Variants in CDR2L observed in about 807,000 individuals in gnomAD.
The protein encoded by CDR2L is cerebellar degeneration related protein 2 like.
CDR2L carries 19 observed loss-of-function variants against 36.1 expected under a neutral mutation model. That is an observed-to-expected ratio of 0.53 (90% CI 0.37 to 0.77). The LOEUF is 0.77. Ranked by LOEUF, CDR2L falls within the 30% of genes least tolerant of loss-of-function variation. The pLI, the probability that CDR2L is intolerant of heterozygous loss-of-function variation, is 0.00. For synonymous variants in CDR2L, 285 were observed against 280.4 expected, an observed-to-expected ratio of 1.02 and a Z score of -0.16; for missense variants, 575 against 627.2, an observed-to-expected ratio of 0.92 and a Z score of 0.89.
At chr17:74,990,915 C>T (rs894957303) in intron 1 of CDR2L, among the ~76,000 whole-genome samples, 6 of 152,224 alleles carry the variant, frequency 3.9e-5, no homozygotes, top group Non-Finnish European at 7.3e-5. Flanking sequence ...TTTTCTCAGC[C>T]AGCCACCTGG....
At position 74,999,562 on chromosome 17, in the gene CDR2L, G is replaced by T. The variant is rs771785431; in HGVS notation, c.138G>T (p.Glu46Asp). 6.3e-7 allele frequency: 1 copy of T among 1,589,136 alleles called. No individual in the cohort carries two copies. Among genetic ancestry groups the T allele is most frequent in the South Asian group, 1.2e-5 (1 of 86,538 alleles). The change falls in exon 2 of 5, where the codon GAG becomes GAT. Residue 46 changes from glutamate (E) to aspartate (D), a missense_variant. By Grantham distance (45) the Glu-to-Asp change is conservative. Transcript: ENST00000337231. ...KTLLERNKEL[E>D]GSLQQMYSTN... ...TGCTGGAGAGGAACAAGGAGCTGGA[G>T]GGGTCCCTGCAGCAGATGTACTCCA...
chr17:75,005,000 A>G lies in CDR2L; in HGVS notation c.*926A>G, dbSNP rs2144871994. 6.5e-6 allele frequency: 1 copy of G among 152,814 alleles called. No individual in the cohort carries two copies. Among genetic ancestry groups the G allele is most frequent in the East Asian group, 1.9e-4 (1 of 5,174 alleles). 9.5% of individuals were successfully genotyped at this position (152,814 alleles called of 1,614,324 possible). On this transcript the variant is annotated 3_prime_UTR_variant, in exon 5 of 5. Transcript: ENST00000337231. Reference sequence around the variant, plus strand: ...ATGTCTCAGTCACTCCACGCTCCCCACAGGCCAACCCTGGCACAGGTCATG... The same window carrying G: ...ATGTCTCAGTCACTCCACGCTCCCCGCAGGCCAACCCTGGCACAGGTCATG...
At chr17:75,001,260 A>G in intron 2 of CDR2L, 81 bp from the exon 3 acceptor site, 4 of 1,367,904 alleles carry the variant, frequency 2.9e-6, no homozygotes, top group Non-Finnish European at 3.9e-6. Flanking sequence ...AAAAAGACAA[A>G]AAAAGAAGTA....
chr17:74,999,445 C>G (rs2039850924), intron 1 of CDR2L, 59 bp from the exon 2 acceptor site: 1 of 1,203,780 alleles, frequency 8.3e-7, no homozygotes, highest in African/African-American at 1.5e-5. Flanking sequence ...AGTAGATGCT[C>G]GGAACATGAA....
At chr17:74,992,529 T>C (rs2039803210) in intron 1 of CDR2L, among the ~76,000 whole-genome samples, 1 of 151,668 alleles carries the variant, frequency 6.6e-6, no homozygotes, top group African/African-American at 2.4e-5. Flanking sequence ...CTCTCTCCTC[T>C]GAGCCTGGAG....
At chr17:74,994,795 T>C (rs1270693907) in intron 1 of CDR2L, among the ~76,000 whole-genome samples, 1 of 151,910 alleles carries the variant, frequency 6.6e-6, no homozygotes, top group East Asian at 1.9e-4. Flanking sequence ...TTTGTAGAGA[T>C]GGGGTCTCGG....
chr17:74,998,078 A>G (rs1344632821), intron 1 of CDR2L, among the ~76,000 whole-genome samples: 1 of 152,040 alleles, frequency 6.6e-6, no homozygotes, highest in Non-Finnish European at 1.5e-5. Flanking sequence ...AAAATTAGCC[A>G]GGCATGGTGG....
Position 75,002,723 on chromosome 17 carries a change from TAGGGAAACCAC to T in CDR2L, c.507-454_507-444del, listed in dbSNP as rs1238268236. ...ATGAAGAAGAGGTGTGGGCAGGGGGTAGGGAAACCACAGGGACACTATAGTGCCCCAGGGTT... is the reference window on the plus strand; with the variant it reads ...ATGAAGAAGAGGTGTGGGCAGGGGGTAGGGACACTATAGTGCCCCAGGGTT... On this transcript the variant is annotated intron_variant, in intron 4 of 4. Transcript: ENST00000337231. The surrounding 1 kb of genome is among the most constrained non-coding windows in gnomAD (Gnocchi z 4.1). Among the ~76,000 whole-genome samples, 9 of 151,592 alleles carry T rather than the reference TAGGGAAACCAC, an allele frequency of 5.9e-5. No homozygotes were observed. Among genetic ancestry groups the T allele is most frequent in the African/African-American group, 2.2e-4 (9 of 41,186 alleles).
chr17:74,988,010 G>A lies in CDR2L; in HGVS notation c.-34G>A. On this transcript the variant is annotated 5_prime_UTR_variant, in exon 1 of 5. Coordinates refer to ENST00000337231, the MANE Select transcript of CDR2L (RefSeq NM_014603.3). ...GCCGCGCGCACCGGCCCTGAGCTGC[G>A]CCGCCGCAGCACCCGCCCGCCGCCC... 3 of 1,452,278 alleles carry A rather than the reference G, an allele frequency of 2.1e-6. No individual in the cohort carries two copies. Among genetic ancestry groups the A allele is most frequent in the Non-Finnish European group, 2.8e-6 (3 of 1,087,202 alleles). 90.0% of individuals were successfully genotyped at this position (1,452,278 alleles called of 1,614,324 possible).
intron 1 of CDR2L, among the ~76,000 whole-genome samples, chr17:74,992,462 T>G (rs548340151): frequency 6.6e-6 from 1 of 152,190 alleles, no homozygotes; most frequent in East Asian, 1.9e-4. Flanking sequence ...TGTGACAGGT[T>G]GTTACTCCAC....
chr17:75,002,212 C>A lies in CDR2L; in HGVS notation c.490C>A (p.Leu164Met). 6.2e-7 allele frequency: 1 copy of A among 1,609,344 alleles called. No homozygotes were observed. Among genetic ancestry groups the A allele is most frequent in the Non-Finnish European group, 8.5e-7 (1 of 1,178,066 alleles). ...TIHTFPCLKE[L>M]CTSPRCKDAF... ...CCACACCTTCCCCTGCCTCAAGGAG[C>A]TGTGCACCAGCCCCCGGTAGGTGAG... The change falls in exon 4 of 5, where the codon CTG becomes ATG. Residue 164 changes from leucine (L) to methionine (M), a missense_variant. Transcript: ENST00000337231. This position sits in a 1 kb window ranked among gnomAD's most constrained non-coding sequence, Gnocchi z 4.1.
Position 74,988,010 on chromosome 17 carries a change from G to GCCGCCGCAGCACCCGC in CDR2L, c.-26_-11dup, listed in dbSNP as rs1304351564. 1.4e-5 allele frequency: 20 copies of GCCGCCGCAGCACCCGC among 1,452,170 alleles called. No individual in the cohort carries two copies. The highest frequency in any genetic ancestry group is 1.7e-5 in the Non-Finnish European group (18 of 1,087,214). The allele number at this position is 1,452,170 out of a possible 1,614,324, so 90.0% of individuals were successfully genotyped here. On this transcript the variant is annotated 5_prime_UTR_variant, in exon 1 of 5. Coordinates refer to ENST00000337231, the MANE Select transcript of CDR2L (RefSeq NM_014603.3). ...GCCGCGCGCACCGGCCCTGAGCTGC[G>GCCGCCGCAGCACCCGC]CCGCCGCAGCACCCGCCCGCCGCCC...
rs368672422 is a variant in CDR2L at position 74,999,325 on chromosome 17, C to CACACACACACACACAA, written c.80-178_80-177insCACACACACACACAAA. ...ACACACACACACACACAGACACACACAAAAAGAACATTCCAGGCAGAAATA... is the reference window on the plus strand; with the variant it reads ...ACACACACACACACACAGACACACACACACACACACACACAAAAAAAGAACATTCCAGGCAGAAATA... On this transcript the variant is annotated intron_variant, in intron 1 of 4. Coordinates refer to ENST00000337231, the MANE Select transcript of CDR2L (RefSeq NM_014603.3). Among the ~76,000 whole-genome samples, 87 of 151,068 alleles carry CACACACACACACACAA rather than the reference C, an allele frequency of 5.8e-4. 1 individual carries two copies. Among genetic ancestry groups the CACACACACACACACAA allele is most frequent in the East Asian group, 8.1e-4 (4 of 4,958 alleles).
chr17:74,993,071 G>C (rs556112728), intron 1 of CDR2L, among the ~76,000 whole-genome samples: 4 of 152,304 alleles, frequency 2.6e-5, no homozygotes, highest in African/African-American at 9.6e-5. Context: ...CAGTTTCCAA[G>C]GGGGAAAACA....
chr17:75,004,003 A>T lies in CDR2L; in HGVS notation c.1327A>T (p.Ile443Phe). Residue 443 changes from isoleucine (I) to phenylalanine (F), a missense_variant, in exon 5 of 5, where the codon ATC becomes TTC. Transcript: ENST00000337231. ...QPEYKALFKE[I>F]FSRIQKTKAD... Reference sequence around the variant, plus strand: ...CGAGTACAAGGCGCTCTTCAAAGAGATCTTCTCCAGGATCCAGAAGACCAA... The same window carrying T: ...CGAGTACAAGGCGCTCTTCAAAGAGTTCTTCTCCAGGATCCAGAAGACCAA... 6.2e-7 allele frequency: 1 copy of T among 1,610,596 alleles called. No individual in the cohort carries two copies. The highest frequency in any genetic ancestry group is 1.3e-5 in the African/African-American group (1 of 74,968).
In CDR2L at chr17:74,988,099, A is replaced by C; in HGVS notation, c.56A>C (p.Tyr19Ser). 6.5e-7 allele frequency: 1 copy of C among 1,532,912 alleles called. No homozygotes were observed. Among genetic ancestry groups the C allele is most frequent in the Non-Finnish European group, 8.8e-7 (1 of 1,140,706 alleles). 95.0% of individuals were successfully genotyped at this position (1,532,912 alleles called of 1,614,324 possible). A position where few individuals can be genotyped will look rare whatever the true frequency, so the allele number is the denominator to read the frequency against. ...DFSAEEEESW[Y>S]DQQDLEQDLH... ...TCCGCGGAGGAAGAGGAGTCCTGGT[A>C]CGACCAGCAGGACCTGGAGCAGGGT... The change falls in exon 1 of 5, where the codon TAC (tyrosine) becomes TCC (serine). Residue 19 changes from tyrosine (Y) to serine (S), a missense_variant. Physicochemically the swap from Tyr to Ser is moderately radical, Grantham distance 144. Coordinates refer to ENST00000337231, the MANE Select transcript of CDR2L (RefSeq NM_014603.3).
intron 1 of CDR2L, among the ~76,000 whole-genome samples, chr17:74,990,225 G>A (rs892840313): frequency 8.5e-5 from 13 of 152,212 alleles, no homozygotes; most frequent in African/African-American, 2.9e-4. Context: ...CGTGCTCTGG[G>A]CTGCCGGGAG....
At chr17:74,990,581 G>T (rs1447713755) in intron 1 of CDR2L, among the ~76,000 whole-genome samples, 2 of 152,246 alleles carry the variant, frequency 1.3e-5, no homozygotes, top group Non-Finnish European at 2.9e-5. Flanking sequence ...AGGCCCTTTT[G>T]AGCTGGAGGC....
intron 1 of CDR2L, 68 bp downstream of exon 1, chr17:74,988,190 G>A (rs2039775319): frequency 8.3e-7 from 1 of 1,202,378 alleles, no homozygotes; most frequent in Non-Finnish European, 1.1e-6. Flanking sequence ...CTTCTCCATT[G>A]TTGGGCGCTA....
Sources: allele counts gnomAD v4.1 joint callset (sites outside exome capture counted in the v4.1 genomes callset), GRCh38; gene constraint gnomAD v4.1.1; non-coding constraint Gnocchi (gnomAD v3.1); transcripts MANE v1.5; gene names NCBI Gene and HGNC (gene_info 2026-07-23, HGNC 2026-07-21).